ZNF714: variants seen among roughly 807,000 people sequenced by gnomAD.
The protein encoded by ZNF714 is zinc finger protein 714.
Under a neutral mutation model 46.2 loss-of-function variants are expected in ZNF714, and 32 were observed. The ratio of observed to expected loss-of-function variants is 0.69; its 90% CI spans 0.52 to 0.93. The LOEUF is 0.93. ZNF714 is among the 40% of genes least tolerant of loss of function. ZNF714 has a pLI of 0.00. For missense variants in ZNF714, 635 were observed against 646.3 expected, an observed-to-expected ratio of 0.98 and a Z score of 0.19; for synonymous variants, 199 against 213.1, an observed-to-expected ratio of 0.93 and a Z score of 0.58.
intron 1 of ZNF714, 70 bp downstream of exon 1, chr19:21,082,418 G>A: frequency 7.1e-7 from 1 of 1,409,520 alleles, no homozygotes; most frequent in South Asian, 1.1e-5. Context: ...AAGTGGCTGT[G>A]GTGGGACTTA....
At chr19:21,093,563 TA>T (rs1312834011) in intron 2 of ZNF714, among the ~76,000 whole-genome samples, 3 of 152,118 alleles carry the variant, frequency 2.0e-5, no homozygotes, top group African/African-American at 7.2e-5. Flanking sequence ...TTTGTTTTTT[TA>T]TTGGCCACAT....
At chr19:21,114,850 A>C (rs552336803) in intron 4 of ZNF714, among the ~76,000 whole-genome samples, 1 of 152,146 alleles carries the variant, frequency 6.6e-6, no homozygotes, top group Non-Finnish European at 1.5e-5. Context: ...CCTGGTGGTC[A>C]TGTATTCCTT....
intron 2 of ZNF714, among the ~76,000 whole-genome samples, chr19:21,092,853 T>G (rs1968944519): frequency 6.6e-6 from 1 of 151,850 alleles, no homozygotes; most frequent in Non-Finnish European, 1.5e-5. Flanking sequence ...CTGTTTTAGG[T>G]TCCTAAGGAT....
In ZNF714 at chr19:21,119,002, AT is replaced by A. The variant is rs1482483194; in HGVS notation, c.*671del. ...TTTGTACTTGAGATAAATTATACAA[AT>A]ATAAAGACTGAAAAAGCCATTAATA... On this transcript the variant is annotated 3_prime_UTR_variant, in exon 5 of 5. Transcript: ENST00000456283. 5.7e-6 allele frequency: 2 copies of A among 349,076 alleles called. No homozygotes were observed. The highest frequency in any genetic ancestry group is 2.0e-4 in the East Asian group (2 of 10,188). 21.6% of individuals were successfully genotyped at this position (349,076 alleles called of 1,614,324 possible).
At chr19:21,096,067 TG>T (rs1969032930) in intron 2 of ZNF714, among the ~76,000 whole-genome samples, 1 of 152,202 alleles carries the variant, frequency 6.6e-6, no homozygotes, top group Non-Finnish European at 1.5e-5. Context: ...CTGTTCTGTT[TG>T]GGTTTGGTAG....
chr19:21,102,051 T>C (rs1256836306), intron 4 of ZNF714, among the ~76,000 whole-genome samples: 1 of 152,194 alleles, frequency 6.6e-6, no homozygotes, highest in Non-Finnish European at 1.5e-5. Context: ...AACCTCAGTG[T>C]ACCATGTAGC....
Position 21,119,231 on chromosome 19 carries a change from C to G in ZNF714, c.*899C>G. On this transcript the variant is annotated 3_prime_UTR_variant, in exon 5 of 5. Coordinates refer to ENST00000456283, the MANE Select transcript of ZNF714 (RefSeq NM_182515.4). Reference sequence around the variant, plus strand: ...CAGCCTATCCAAGATGGTGAAACCCCATCTCTACTAAAAATACAACAATTA... The same window carrying G: ...CAGCCTATCCAAGATGGTGAAACCCGATCTCTACTAAAAATACAACAATTA... 1 of 346,658 alleles carries G rather than the reference C, an allele frequency of 2.9e-6. No homozygotes were observed. The highest frequency in any genetic ancestry group is 5.7e-6 in the Non-Finnish European group (1 of 176,352). The allele number at this position is 346,658 out of a possible 1,614,324, so 21.5% of individuals were successfully genotyped here.
At position 21,120,422 on chromosome 19, in the gene ZNF714, A is replaced by G. The variant is rs1231753947; in HGVS notation, c.*2090A>G. 2 of 152,304 alleles carry G rather than the reference A, an allele frequency of 1.3e-5. No individual in the cohort carries two copies. The highest frequency in any genetic ancestry group is 4.8e-5 in the African/African-American group (2 of 41,458). The allele number at this position is 152,304 out of a possible 1,614,324, so 9.4% of individuals were successfully genotyped here. ...AAAACATTAGAATGTAAGATGCATA[A>G]TGAAAATGTAAGTGGAGAGGTTCTT... On this transcript the variant is annotated 3_prime_UTR_variant, in exon 5 of 5. Transcript: ENST00000456283.
intron 4 of ZNF714, among the ~76,000 whole-genome samples, chr19:21,102,588 C>T (rs558153790): frequency 4.4e-4 from 67 of 152,274 alleles, no homozygotes; most frequent in African/African-American, 1.6e-3. Context: ...AAAATTATCA[C>T]ATTTCTTTTA....
chr19:21,116,866 C>G lies in ZNF714; in HGVS notation c.202C>G (p.Gln68Glu), dbSNP rs1291414818. ...WPEQDIKDSF[Q>E]QVILRRHGKC... ...AGAGCAAGACATAAAAGATTCTTTT[C>G]AACAAGTGATACTGAGAAGACATGG... The change falls in exon 5 of 5, where the codon CAA becomes GAA. Residue 68 changes from glutamine (Q) to glutamate (E), a missense_variant. Transcript: ENST00000456283. 6.2e-7 allele frequency: 1 copy of G among 1,612,942 alleles called. No homozygotes were observed. The highest frequency in any genetic ancestry group is 1.7e-5 in the Admixed American group (1 of 59,762).
chr19:21,102,487 A>T (rs9967619), intron 4 of ZNF714, among the ~76,000 whole-genome samples: 2 of 152,120 alleles, frequency 1.3e-5, no homozygotes, highest in Admixed American at 6.5e-5. Flanking sequence ...GAAAAATATA[A>T]GTTTTAATTT....
In ZNF714 at chr19:21,121,007, A is replaced by T. The variant is rs1269723160; in HGVS notation, c.*2675A>T. ...TCTCCTTTGTTTTACAAACAATCCA[A>T]ACCTACACTTTTTAAAAATTTTTTG... On this transcript the variant is annotated 3_prime_UTR_variant, in exon 5 of 5. Coordinates refer to ENST00000456283, the MANE Select transcript of ZNF714 (RefSeq NM_182515.4). The T allele has an allele frequency of 6.6e-6, 1 of 152,112 alleles. No individual in the cohort carries two copies. Among genetic ancestry groups the T allele is most frequent in the Non-Finnish European group, 1.5e-5 (1 of 68,016 alleles). The allele number at this position is 152,112 out of a possible 1,614,324, so 9.4% of individuals were successfully genotyped here. A position where few individuals can be genotyped will look rare whatever the true frequency, so the allele number is the denominator to read the frequency against.
intron 4 of ZNF714, among the ~76,000 whole-genome samples, chr19:21,102,720 C>G (rs1187779523): frequency 6.6e-6 from 1 of 152,134 alleles, no homozygotes; most frequent in Admixed American, 6.6e-5. Context: ...CATGAGTACA[C>G]AAATATTGTA....
Position 21,118,174 on chromosome 19 carries a change from C to G in ZNF714, c.1510C>G (p.Gln504Glu). Residue 504 changes from glutamine (Q) to glutamate (E), a missense_variant, in exon 5 of 5, where the codon CAG becomes GAG. Gln to Glu is a conservative substitution (Grantham distance 29). Coordinates refer to ENST00000456283, the MANE Select transcript of ZNF714 (RefSeq NM_182515.4). ...STLTKHRKIQQGMVAHACNPN... is the reference protein window; with the variant it reads ...STLTKHRKIQEGMVAHACNPN... ...TCTTACTAAACATAGGAAAATTCAGCAGGGCATGGTGGCTCATGCCTGTAA... is the reference window on the plus strand; with the variant it reads ...TCTTACTAAACATAGGAAAATTCAGGAGGGCATGGTGGCTCATGCCTGTAA... 6.2e-7 allele frequency: 1 copy of G among 1,612,530 alleles called. No individual in the cohort carries two copies. The highest frequency in any genetic ancestry group is 8.5e-7 in the Non-Finnish European group (1 of 1,179,130).
rs921210963 is a variant in ZNF714, at chr19:21,124,832, T to C, written c.*6500T>C. On this transcript the variant is annotated 3_prime_UTR_variant, in exon 5 of 5. Transcript: ENST00000456283. The stretch of plus-strand genomic sequence containing the variant: ...ATGGGATTAAGATTTTTGGAATCCA[T>C]GTATAGGTGAAATCATGAAATATTA... 8.5e-5 allele frequency: 13 copies of C among 152,162 alleles called. No homozygotes were observed. Among genetic ancestry groups the C allele is most frequent in the Admixed American group, 8.5e-4 (13 of 15,268 alleles). The allele number at this position is 152,162 out of a possible 1,614,324, so 9.4% of individuals were successfully genotyped here. A position where few individuals can be genotyped will look rare whatever the true frequency, so the allele number is the denominator to read the frequency against.
chr19:21,106,304 TCACGCTTGTAATCC>T (rs1162248718), intron 4 of ZNF714, among the ~76,000 whole-genome samples: 41 of 151,632 alleles, frequency 2.7e-4, no homozygotes, highest in African/African-American at 9.7e-4. Flanking sequence ...GCACGGTGGC[TCACGCTTGTAATCC>T]CAGCACTTTG....
intron 4 of ZNF714, among the ~76,000 whole-genome samples, chr19:21,112,857 C>G (rs1457753375): frequency 6.5e-4 from 37 of 57,034 alleles, no homozygotes; most frequent in African/African-American, 1.8e-3. Context: ...GAGTCTCGCT[C>G]TGTCGCCCAG....
rs764731320 is a variant in ZNF714, at chr19:21,098,190, G to A, written c.-79G>A. 1.2e-4 allele frequency: 190 copies of A among 1,608,970 alleles called. 1 individual carries two copies. The highest frequency in any genetic ancestry group is 1.6e-4 in the Non-Finnish European group (185 of 1,178,910). ...TGTGCGTATGTGTTTTTCAGGAGAC[G>A]TTGACATTTAGGGATGTGGCCATAG... is the stretch of plus-strand genomic sequence containing the variant. On this transcript the variant is annotated 5_prime_UTR_variant, in exon 3 of 5. Coordinates refer to ENST00000456283, the MANE Select transcript of ZNF714 (RefSeq NM_182515.4).
intron 2 of ZNF714, among the ~76,000 whole-genome samples, chr19:21,095,696 C>T (rs184510517): frequency 1.5e-3 from 229 of 152,028 alleles, no homozygotes; most frequent in African/African-American, 5.0e-3. Context: ...CCTCATGATC[C>T]GCCCGCCTCA....
Sources: gnomAD v4.1 joint callset for allele counts (sites outside exome capture counted in the v4.1 genomes callset) on GRCh38, gnomAD v4.1.1 for gene constraint, MANE v1.5 for transcripts, NCBI Gene and HGNC (gene_info 2026-07-23, HGNC 2026-07-21) for gene names.